Variants in ARFGEF3 observed in about 807,000 individuals in gnomAD.
ARFGEF3 encodes the protein ARFGEF family member 3, also known as brefeldin A-inhibited guanine nucleotide-exchange protein 3.
A neutral mutation model predicts 221.7 loss-of-function variants in ARFGEF3; 96 were observed. The observed-to-expected ratio is 0.43, with a 90% CI of 0.37 to 0.51. The LOEUF (loss-of-function observed/expected upper bound fraction) is 0.51. Among genes scored for constraint, ARFGEF3 ranks in the 20% least tolerant of loss-of-function variants. ARFGEF3 has a pLI of 0.00. For missense variants in ARFGEF3, 2,410 were observed against 2,789.9 expected, an observed-to-expected ratio of 0.86 and a Z score of 3.07; for synonymous variants, 1,145 against 1,126.8, an observed-to-expected ratio of 1.02 and a Z score of -0.32.
intron 4 of ARFGEF3, among the ~76,000 whole-genome samples, chr6:138,211,631 C>A (rs906496720): frequency 1.3e-5 from 2 of 152,148 alleles, no homozygotes; most frequent in Non-Finnish European, 2.9e-5. Flanking sequence ...CTAAGAGATG[C>A]AAGTCAGATT....
chr6:138,176,501 C>A (rs2114440457), intron 2 of ARFGEF3, among the ~76,000 whole-genome samples: 1 of 152,236 alleles, frequency 6.6e-6, no homozygotes, highest in East Asian at 1.9e-4. Context: ...TTTTTTAAAT[C>A]CTTTATGACA....
At chr6:138,195,648 A>G (rs1232701325) in intron 2 of ARFGEF3, among the ~76,000 whole-genome samples, 1 of 152,256 alleles carries the variant, frequency 6.6e-6, no homozygotes, top group Non-Finnish European at 1.5e-5. Context: ...CCTCAGTTAC[A>G]TTATACATAA....
At chr6:138,284,567 G>A (rs561086262) in intron 14 of ARFGEF3, among the ~76,000 whole-genome samples, 22 of 152,240 alleles carry the variant, frequency 1.4e-4, no homozygotes, top group African/African-American at 4.6e-4. Context: ...TCGCCATAAC[G>A]TTAAAGAGTG....
Position 138,336,573 on chromosome 6 carries a change from G to C in ARFGEF3, c.*87G>C. On this transcript the variant is annotated 3_prime_UTR_variant, in exon 34 of 34. Coordinates refer to ENST00000251691, the MANE Select transcript of ARFGEF3 (RefSeq NM_020340.5). The stretch of plus-strand genomic sequence containing the variant: ...AGCTGTTGCATTTTCCCCACCACTA[G>C]CCCCACTTAAACTACTACTACTGTC... The C allele has an allele frequency of 8.9e-7, 1 of 1,118,664 alleles. No homozygotes were observed. The highest frequency in any genetic ancestry group is 1.3e-6 in the Non-Finnish European group (1 of 789,202). The allele number at this position is 1,118,664 out of a possible 1,614,324, so 69.3% of individuals were successfully genotyped here.
chr6:138,169,546 G>A (rs1207079946), intron 1 of ARFGEF3, among the ~76,000 whole-genome samples: 1 of 152,184 alleles, frequency 6.6e-6, no homozygotes, highest in Non-Finnish European at 1.5e-5. Flanking sequence ...CATCCTGGGT[G>A]CCAGTCCCTG....
chr6:138,296,773 T>G (rs756501522), intron 20 of ARFGEF3, 37 bp from the exon 21 acceptor site: 9 of 1,605,098 alleles, frequency 5.6e-6, no homozygotes, highest in Admixed American at 1.7e-5. Context: ...TGTCTGAGTT[T>G]TGGCTTTCTG....
At chr6:138,217,977 G>A (rs1255802881) in intron 4 of ARFGEF3, 4 of 1,589,006 alleles carry the variant, frequency 2.5e-6, no homozygotes, top group Non-Finnish European at 3.4e-6. Context: ...CTTTGCAGCA[G>A]GGCTGAGAGT....
At chr6:138,285,683 G>T (rs1256262553) in intron 14 of ARFGEF3, among the ~76,000 whole-genome samples, 1 of 151,958 alleles carries the variant, frequency 6.6e-6, no homozygotes, top group Admixed American at 6.6e-5. Flanking sequence ...TTTTCTAACA[G>T]AGAAATAATA....
rs113201413 is a variant in ARFGEF3, at chr6:138,265,130, C to A, written c.2128+1519C>A. On this transcript the variant is annotated intron_variant, in intron 12 of 33. Coordinates refer to ENST00000251691, the MANE Select transcript of ARFGEF3 (RefSeq NM_020340.5). ...GTGTTAGCCAGGATGGTCTCGATCT[C>A]CTGACCTTGTGATCCGCCCGCCTTG... is the stretch of plus-strand genomic sequence containing the variant. 6.5e-3 allele frequency among the ~76,000 whole-genome samples: 991 copies of A among 152,202 alleles called. 9 individuals carry two copies. Among genetic ancestry groups the A allele is most frequent in the Non-Finnish European group, 8.8e-3 (599 of 68,018 alleles).
At chr6:138,265,853 G>C (rs1334029913) in intron 12 of ARFGEF3, among the ~76,000 whole-genome samples, 1 of 151,958 alleles carries the variant, frequency 6.6e-6, no homozygotes, top group African/African-American at 2.4e-5. Context: ...AAGTGCAGTG[G>C]CTCAGCCTCC....
intron 4 of ARFGEF3, among the ~76,000 whole-genome samples, chr6:138,219,444 G>T (rs1333783294): frequency 6.6e-6 from 1 of 152,144 alleles, no homozygotes; most frequent in East Asian, 1.9e-4. Flanking sequence ...GATGATTCAG[G>T]AATCAGCAGA....
intron 10 of ARFGEF3, among the ~76,000 whole-genome samples, chr6:138,257,312 C>G (rs1367156189): frequency 1.3e-5 from 2 of 152,142 alleles, no homozygotes. Context: ...TGGGCTTCCT[C>G]TGATTGGCAG....
At chr6:138,164,988 T>C (rs1276857803) in intron 1 of ARFGEF3, among the ~76,000 whole-genome samples, 1 of 151,270 alleles carries the variant, frequency 6.6e-6, no homozygotes, top group African/African-American at 2.4e-5. Flanking sequence ...ACTTAGACCC[T>C]CATAGGAGCA....
rs958618947 is a variant in ARFGEF3 at position 138,162,252 on chromosome 6, C to A, written c.85+81C>A. On this transcript the variant is annotated intron_variant, in intron 1 of 33. Coordinates refer to ENST00000251691, the MANE Select transcript of ARFGEF3 (RefSeq NM_020340.5). The surrounding 1 kb of genome is among the most constrained non-coding windows in gnomAD (Gnocchi z 4.7). Reference sequence around the variant, plus strand: ...CCCGCGCCTCCGCGCGTGGGGCTTTCGCGGAGCGTCGGTCATGGGTGCCGT... The same window carrying A: ...CCCGCGCCTCCGCGCGTGGGGCTTTAGCGGAGCGTCGGTCATGGGTGCCGT... 2 of 999,496 alleles carry A rather than the reference C, an allele frequency of 2.0e-6. No individual in the cohort carries two copies. The highest frequency in any genetic ancestry group is 2.9e-6 in the Non-Finnish European group (2 of 688,036). 61.9% of individuals were successfully genotyped at this position (999,496 alleles called of 1,614,324 possible). A position where few individuals can be genotyped will look rare whatever the true frequency, so the allele number is the denominator to read the frequency against.
At chr6:138,207,834 T>C (rs1777651468) in intron 3 of ARFGEF3, among the ~76,000 whole-genome samples, 1 of 152,202 alleles carries the variant, frequency 6.6e-6, no homozygotes, top group African/African-American at 2.4e-5. Context: ...AGATTTTTTT[T>C]ATGTCAGTAT....
chr6:138,326,972 G>A (rs1260420048), intron 31 of ARFGEF3, among the ~76,000 whole-genome samples: 2 of 152,308 alleles, frequency 1.3e-5, no homozygotes, highest in Admixed American at 6.5e-5. Context: ...GGAGTTGGAG[G>A]CCATTATCCT....
intron 2 of ARFGEF3, among the ~76,000 whole-genome samples, chr6:138,181,663 C>T (rs993423419): frequency 2.6e-5 from 4 of 152,232 alleles, no homozygotes; most frequent in East Asian, 1.9e-4. Flanking sequence ...AGGCTGGTTT[C>T]GAACTCCTGG....
intron 12 of ARFGEF3, among the ~76,000 whole-genome samples, chr6:138,270,910 G>A (rs571998140): frequency 1.2e-4 from 18 of 152,308 alleles, no homozygotes; most frequent in East Asian, 5.8e-4. Flanking sequence ...GGCTGAAGTC[G>A]TGCAGGATAA....
At chr6:138,230,369 A>G (rs1272192310) in intron 5 of ARFGEF3, among the ~76,000 whole-genome samples, 3 of 152,170 alleles carry the variant, frequency 2.0e-5, no homozygotes, top group African/African-American at 7.2e-5. Context: ...GCCCAAGAAT[A>G]TGTCCAACAG....
Sources: gnomAD v4.1 joint callset for allele counts (sites outside exome capture counted in the v4.1 genomes callset) on GRCh38, gnomAD v4.1.1 for gene constraint, Gnocchi (gnomAD v3.1) non-coding constraint, MANE v1.5 for transcripts, NCBI Gene and HGNC (gene_info 2026-07-23, HGNC 2026-07-21) for gene names.